The following SAMD3 variants were observed in gnomAD, a reference collection of about 807,000 sequenced individuals.
SAMD3 encodes the protein sterile alpha motif domain containing 3.
Under a neutral mutation model 58.5 loss-of-function variants are expected in SAMD3, and 63 were observed. The observed-to-expected ratio is 1.08, with a 90% confidence interval of 0.88 to 1.33. The LOEUF (loss-of-function observed/expected upper bound fraction) is 1.33. Among genes scored for constraint, SAMD3 ranks in the 40% most tolerant of loss-of-function variants. The pLI is 0.00. For synonymous variants in SAMD3, 220 were observed against 210.3 expected (o/e 1.05, Z -0.40); for missense variants, 604 against 608.4 (o/e 0.99, Z 0.08).
intron 2 of SAMD3, among the ~76,000 whole-genome samples, chr6:130,257,556 T>C (rs996641627): frequency 7.2e-5 from 11 of 152,206 alleles, no homozygotes; most frequent in Admixed American, 2.6e-4. Flanking sequence ...TCAATTACTA[T>C]TCTGAATACA....
intron 2 of SAMD3, among the ~76,000 whole-genome samples, chr6:130,260,731 C>T (rs1830556): frequency 0.45 from 67,958 of 152,040 alleles, 17,209 homozygotes; most frequent in African/African-American, 0.69. Flanking sequence ...CCAAGCCATG[C>T]GGATCCTGAG....
At chr6:130,256,413 G>C (rs1186366883) in intron 2 of SAMD3, among the ~76,000 whole-genome samples, 2 of 152,076 alleles carry the variant, frequency 1.3e-5, no homozygotes, top group Non-Finnish European at 2.9e-5. Flanking sequence ...TGACCACTGT[G>C]CACTAAATCT....
chr6:130,182,406 A>G (rs1047747499), intron 7 of SAMD3, among the ~76,000 whole-genome samples: 2 of 152,206 alleles, frequency 1.3e-5, no homozygotes, highest in Non-Finnish European at 2.9e-5. Context: ...CAGACATGGT[A>G]TACAACATCT....
At chr6:130,244,875 A>G (rs537419645) in intron 2 of SAMD3, among the ~76,000 whole-genome samples, 1 of 152,354 alleles carries the variant, frequency 6.6e-6, no homozygotes, top group East Asian at 1.9e-4. Context: ...CCATAGAATG[A>G]TGCTGGGCCC....
At chr6:130,159,885 A>G (rs1473821893) in intron 8 of SAMD3, 1 of 152,232 alleles carries the variant, frequency 6.6e-6, no homozygotes, top group East Asian at 1.9e-4. Flanking sequence ...TCATAAACAT[A>G]TGAAAAGATG....
At chr6:130,301,180 T>C (rs1357592828) in intron 2 of SAMD3, among the ~76,000 whole-genome samples, 1 of 152,226 alleles carries the variant, frequency 6.6e-6, no homozygotes, top group Non-Finnish European at 1.5e-5. Context: ...TAGTATTTCA[T>C]GGTGTATATG....
At chr6:130,221,775 C>G (rs1451779660) in intron 1 of SAMD3, 1 of 151,756 alleles carries the variant, frequency 6.6e-6, no homozygotes, top group African/African-American at 2.4e-5. Context: ...TGTAAGTGGA[C>G]CTGAGAGGTT....
At chr6:130,248,199 TG>T (rs1360555810) in intron 2 of SAMD3, among the ~76,000 whole-genome samples, 2 of 150,762 alleles carry the variant, frequency 1.3e-5, no homozygotes, top group African/African-American at 5.0e-5. Context: ...TGTGTGTGTG[TG>T]TGTGTGTGTG....
At chr6:130,174,725 A>T (rs531206055) in intron 8 of SAMD3, among the ~76,000 whole-genome samples, 21 of 152,326 alleles carry the variant, frequency 1.4e-4, no homozygotes, top group African/African-American at 2.6e-4. Flanking sequence ...GTTTCTAAAA[A>T]GTTTCTTTTA....
At chr6:130,334,020 T>G (rs1166930044) in intron 1 of SAMD3, among the ~76,000 whole-genome samples, 1 of 152,254 alleles carries the variant, frequency 6.6e-6, no homozygotes, top group Non-Finnish European at 1.5e-5. Context: ...CTTCTCTGGA[T>G]AAATCTTTCC....
chr6:130,258,480 A>C (rs1774000527), intron 2 of SAMD3, among the ~76,000 whole-genome samples: 1 of 152,174 alleles, frequency 6.6e-6, no homozygotes, highest in Non-Finnish European at 1.5e-5. Flanking sequence ...TGGGTTTATC[A>C]ACTAGTTAAA....
chr6:130,261,366 G>T (rs568563225), intron 2 of SAMD3, among the ~76,000 whole-genome samples: 1 of 151,604 alleles, frequency 6.6e-6, no homozygotes, highest in East Asian at 2.0e-4. Context: ...TTGCTTGACA[G>T]GACCGGTCTT....
At chr6:130,147,058 C>T (rs768816218) in intron 9 of SAMD3, among the ~76,000 whole-genome samples, 2 of 151,772 alleles carry the variant, frequency 1.3e-5, no homozygotes, top group Non-Finnish European at 1.5e-5. Context: ...ATGGAAGTCC[C>T]TTTCCTCAAA....
Position 130,308,934 on chromosome 6 carries a change from A to T in SAMD3, c.-188+4044T>A, listed in dbSNP as rs144218467. 9.2e-5 allele frequency among the ~76,000 whole-genome samples: 14 copies of T among 152,326 alleles called. No individual in the cohort carries two copies. In the East Asian group the frequency reaches 2.7e-3, roughly 29 times the overall value. The stretch of plus-strand genomic sequence containing the variant: ...TCTCTTTAAGACTCATGAAACAGGC[A>T]TAATTATTATCCTTATTTTAATGAA... On this transcript the variant is annotated intron_variant, in intron 2 of 13. Transcript: ENST00000368134.
chr6:130,188,361 T>C (rs978043996), intron 5 of SAMD3, among the ~76,000 whole-genome samples: 4 of 152,214 alleles, frequency 2.6e-5, no homozygotes, highest in Non-Finnish European at 5.9e-5. Context: ...CGGGGACTTT[T>C]TGTTTAATCT....
intron 1 of SAMD3, among the ~76,000 whole-genome samples, chr6:130,331,229 A>G (rs545509623): frequency 1.3e-5 from 2 of 152,366 alleles, no homozygotes; most frequent in South Asian, 2.1e-4. Context: ...ATGATCATTG[A>G]CATTCAACAT....
intron 2 of SAMD3, among the ~76,000 whole-genome samples, chr6:130,249,362 T>A (rs1470831234): frequency 3.3e-5 from 5 of 152,142 alleles, no homozygotes; most frequent in Admixed American, 6.5e-5. Context: ...ATCCAAAGCC[T>A]CATTTCTGAA....
chr6:130,232,755 T>C (rs1454223796), intron 2 of SAMD3, among the ~76,000 whole-genome samples: 1 of 152,206 alleles, frequency 6.6e-6, no homozygotes, highest in Non-Finnish European at 1.5e-5. Context: ...AATTAGCAAA[T>C]GCTAGCACTT....
intron 1 of SAMD3, among the ~76,000 whole-genome samples, chr6:130,359,169 T>C (rs1777915623): frequency 6.6e-6 from 1 of 152,240 alleles, no homozygotes; most frequent in African/African-American, 2.4e-5. Flanking sequence ...AGTGCCCATT[T>C]CATAGTAAGT....
Sources: allele counts gnomAD v4.1 joint callset (sites outside exome capture counted in the v4.1 genomes callset), GRCh38; gene constraint gnomAD v4.1.1; transcripts MANE v1.5; gene names NCBI Gene and HGNC (gene_info 2026-07-23, HGNC 2026-07-21).